AUTS2: variants seen among roughly 807,000 people sequenced by gnomAD.
AUTS2 encodes the protein activator of transcription and developmental regulator AUTS2, also known as autism susceptibility gene 2 protein.
AUTS2 carries 17 observed loss-of-function variants against 112.4 expected under a neutral mutation model. The observed-to-expected ratio is 0.15, with a 90% CI of 0.10 to 0.23. The LOEUF (loss-of-function observed/expected upper bound fraction) is 0.23. Among genes scored for constraint, AUTS2 ranks in the 10% least tolerant of loss-of-function variants. The pLI is 1.00. For synonymous variants in AUTS2, 751 were observed against 702.7 expected (o/e 1.07, Z -1.09); for missense variants, 1,510 against 1,701.6 (o/e 0.89, Z 1.98).
chr7:70,743,683 T>C (rs1788259416), intron 6 of AUTS2, among the ~76,000 whole-genome samples: 1 of 152,156 alleles, frequency 6.6e-6, no homozygotes, highest in Non-Finnish European at 1.5e-5. Context: ...TGGTGCCTTC[T>C]GGAGGATTAA....
intron 2 of AUTS2, among the ~76,000 whole-genome samples, chr7:69,912,424 G>A (rs1193057461): frequency 6.6e-6 from 1 of 152,192 alleles, no homozygotes; most frequent in Non-Finnish European, 1.5e-5. Context: ...GCCCCAGCCG[G>A]CTCCTCAGAG....
intron 1 of AUTS2, among the ~76,000 whole-genome samples, chr7:69,870,343 T>C (rs140552224): frequency 6.7e-6 from 1 of 150,270 alleles, no homozygotes; most frequent in Non-Finnish European, 1.5e-5. Flanking sequence ...TTAAAAATTA[T>C]GTAGATATTT....
In AUTS2 at chr7:70,690,265, A is replaced by C. The variant is rs1449864960; in HGVS notation, c.691-8304A>C. ...AGAAACTTGGATTTTCAGAGCTTGC[A>C]GAACCTTTAGAACTTGAAAAGAATG... On this transcript the variant is annotated intron_variant, in intron 5 of 18. Transcript: ENST00000342771. Among the ~76,000 whole-genome samples, 7 of 152,238 alleles carry C rather than the reference A, an allele frequency of 4.6e-5. No individual in the cohort carries two copies. In the East Asian group the frequency reaches 1.2e-3, roughly 25 times the overall value.
intron 5 of AUTS2, among the ~76,000 whole-genome samples, chr7:70,475,824 C>A (rs1016796415): frequency 2.6e-5 from 4 of 152,074 alleles, no homozygotes; most frequent in Admixed American, 2.6e-4. Context: ...TCACTTGAGG[C>A]CAGGAATTTG....
chr7:70,139,894 G>A lies in AUTS2; in HGVS notation c.660+5323G>A, dbSNP rs373965519. Reference sequence around the variant, plus strand: ...CATGCACCTGTAATCCCAGCTGCTCGGGAGGCTGAGGCAGGAGAATCACTT... The same window carrying A: ...CATGCACCTGTAATCCCAGCTGCTCAGGAGGCTGAGGCAGGAGAATCACTT... On this transcript the variant is annotated intron_variant, in intron 4 of 18. Coordinates refer to ENST00000342771, the MANE Select transcript of AUTS2 (RefSeq NM_015570.4). Among the ~76,000 whole-genome samples, 25 of 152,194 alleles carry A rather than the reference G, an allele frequency of 1.6e-4. 1 individual carries two copies. The South Asian group carries it at 3.5e-3, about 21-fold the overall frequency.
chr7:70,476,935 A>T (rs1248621794), intron 5 of AUTS2, among the ~76,000 whole-genome samples: 1 of 152,218 alleles, frequency 6.6e-6, no homozygotes, highest in Non-Finnish European at 1.5e-5. Context: ...AACATCTCCC[A>T]AAGGGAAGCA....
At chr7:70,375,856 A>G (rs1208163606) in intron 4 of AUTS2, among the ~76,000 whole-genome samples, 1 of 152,080 alleles carries the variant, frequency 6.6e-6, no homozygotes, top group Non-Finnish European at 1.5e-5. Context: ...TCTACTTGCA[A>G]CTCATTTTAA....
chr7:70,140,426 C>G (rs956816023), intron 4 of AUTS2, among the ~76,000 whole-genome samples: 1 of 152,136 alleles, frequency 6.6e-6, no homozygotes, highest in Admixed American at 6.5e-5. Flanking sequence ...GGTTTGAGCT[C>G]TCCAGAGAAC....
intron 4 of AUTS2, among the ~76,000 whole-genome samples, chr7:70,325,269 A>G (rs1015849283): frequency 2.6e-5 from 4 of 152,102 alleles, no homozygotes; most frequent in African/African-American, 9.7e-5. Flanking sequence ...GGCTGCAGGG[A>G]GCTGTGATGG....
intron 4 of AUTS2, among the ~76,000 whole-genome samples, chr7:70,311,873 G>A (rs1789770642): frequency 1.3e-5 from 2 of 152,136 alleles, no homozygotes; most frequent in Non-Finnish European, 2.9e-5. Context: ...CCACCACCAC[G>A]CCTGGCTAAT....
At chr7:69,782,929 T>C (rs1003424579) in intron 1 of AUTS2, among the ~76,000 whole-genome samples, 9 of 152,136 alleles carry the variant, frequency 5.9e-5, no homozygotes, top group Non-Finnish European at 1.0e-4. Flanking sequence ...GGATTTGTTG[T>C]GTATTGACAT....
rs529123080 is a variant in AUTS2 at position 70,215,279 on chromosome 7, C to T, written c.660+80708C>T. On this transcript the variant is annotated intron_variant, in intron 4 of 18. Coordinates refer to ENST00000342771, the MANE Select transcript of AUTS2 (RefSeq NM_015570.4). ...TGGGTAACAGAGTAAGACCCTTTCT[C>T]TAAAGAAAATAAAAATAAAACATAG... 4.6e-5 allele frequency among the ~76,000 whole-genome samples: 7 copies of T among 152,206 alleles called. No individual in the cohort carries two copies. The East Asian group carries it at 1.3e-3, about 29-fold the overall frequency.
chr7:70,390,753 C>A (rs1333633737), intron 4 of AUTS2, among the ~76,000 whole-genome samples: 1 of 152,102 alleles, frequency 6.6e-6, no homozygotes, highest in Admixed American at 6.6e-5. Flanking sequence ...ATTCTGTGAC[C>A]TGGCTCTGAA....
chr7:69,930,392 A>G (rs1289432989), intron 2 of AUTS2, among the ~76,000 whole-genome samples: 2 of 151,974 alleles, frequency 1.3e-5, no homozygotes, highest in African/African-American at 4.8e-5. Context: ...TGTCTCCTCA[A>G]TTCATCGAGT....
chr7:70,395,640 T>G (rs1211664544), intron 4 of AUTS2, among the ~76,000 whole-genome samples: 3 of 152,200 alleles, frequency 2.0e-5, no homozygotes, highest in African/African-American at 2.4e-5. Context: ...TGCCATGTGC[T>G]TAACATAGGT....
intron 2 of AUTS2, among the ~76,000 whole-genome samples, chr7:70,109,689 G>T (rs1333051218): frequency 2.6e-5 from 4 of 152,210 alleles, no homozygotes; most frequent in Non-Finnish European, 5.9e-5. Context: ...AGGCTTCAGA[G>T]AGAATAAATT....
At chr7:70,513,226 A>T (rs532366445) in intron 5 of AUTS2, among the ~76,000 whole-genome samples, 1 of 152,374 alleles carries the variant, frequency 6.6e-6, no homozygotes, top group South Asian at 2.1e-4. Context: ...AACCCTTCAT[A>T]ACAAAGCACT....
chr7:70,765,097 C>A, intron 8 of AUTS2, 92 bp downstream of exon 8: 1 of 1,491,048 alleles, frequency 6.7e-7, no homozygotes, highest in South Asian at 1.3e-5. Flanking sequence ...TGCAAGGTTG[C>A]ATTTGCCTAC....
intron 16 of AUTS2, among the ~76,000 whole-genome samples, chr7:70,785,232 G>T (rs970192501): frequency 2.0e-5 from 3 of 152,224 alleles, no homozygotes; most frequent in African/African-American, 7.2e-5. Flanking sequence ...CGGTAGTAGA[G>T]CTGTGCTCGG....
Sources: allele counts gnomAD v4.1 joint callset (sites outside exome capture counted in the v4.1 genomes callset), GRCh38; gene constraint gnomAD v4.1.1; transcripts MANE v1.5; gene names NCBI Gene and HGNC (gene_info 2026-07-23, HGNC 2026-07-21).